GRIN2B: variants seen among roughly 807,000 people sequenced by gnomAD.
The protein encoded by GRIN2B is glutamate receptor ionotropic, NMDA 2B.
Under a neutral mutation model 114.5 loss-of-function variants are expected in GRIN2B, and 5 were observed. That is an observed-to-expected ratio of 0.04 (90% confidence interval 0.02 to 0.09). The LOEUF is 0.09. Ranked by LOEUF, GRIN2B falls within the 10% of genes least tolerant of loss-of-function variation. The probability of loss-of-function intolerance (pLI) is 1.00; values close to 1 mark genes in which losing one functional copy is unlikely to be tolerated. For missense variants in GRIN2B, 1,108 were observed against 1,943.5 expected, an observed-to-expected ratio of 0.57 and a Z score of 8.08; for synonymous variants, 787 against 745.1, an observed-to-expected ratio of 1.06 and a Z score of -0.92.
intron 10 of GRIN2B, among the ~76,000 whole-genome samples, chr12:13,576,118 T>G (rs1948772346): frequency 6.6e-6 from 1 of 152,222 alleles, no homozygotes; most frequent in Admixed American, 6.5e-5. Flanking sequence ...TGAAAATTCT[T>G]GTCCCAGCCT....
chr12:13,717,493 A>T (rs1950466572), intron 4 of GRIN2B, among the ~76,000 whole-genome samples: 1 of 151,954 alleles, frequency 6.6e-6, no homozygotes, highest in East Asian at 1.9e-4. Context: ...CAGCAGTATG[A>T]ACTAGATATG....
chr12:13,850,957 T>C (rs966979268), intron 3 of GRIN2B, among the ~76,000 whole-genome samples: 2 of 152,156 alleles, frequency 1.3e-5, no homozygotes, highest in Non-Finnish European at 2.9e-5. Flanking sequence ...CCTTTGAAGG[T>C]TAAATTGGCT....
At chr12:13,767,699 G>A (rs1196079027) in intron 3 of GRIN2B, among the ~76,000 whole-genome samples, 4 of 152,064 alleles carry the variant, frequency 2.6e-5, no homozygotes, top group African/African-American at 9.7e-5. Context: ...CCAGATCATG[G>A]GTTAAGTTTG....
intron 3 of GRIN2B, among the ~76,000 whole-genome samples, chr12:13,854,449 G>T (rs1865625146): frequency 6.6e-6 from 1 of 152,174 alleles, no homozygotes; most frequent in Non-Finnish European, 1.5e-5. Flanking sequence ...GGCAGAAGTT[G>T]CAGTGAGCCG....
chr12:13,917,114 A>T (rs2111511), intron 2 of GRIN2B, among the ~76,000 whole-genome samples: 38,116 of 151,804 alleles, frequency 0.25, 5,274 homozygotes, highest in East Asian at 0.44. Context: ...AGCCTGTCAG[A>T]CCTGCCAGTC....
At chr12:13,586,893 G>A (rs879885750) in intron 10 of GRIN2B, among the ~76,000 whole-genome samples, 1 of 152,066 alleles carries the variant, frequency 6.6e-6, no homozygotes, top group Admixed American at 6.5e-5. Context: ...GACACTATAT[G>A]AATTACATAA....
chr12:13,826,111 T>G (rs1280016565), intron 3 of GRIN2B, among the ~76,000 whole-genome samples: 1 of 152,112 alleles, frequency 6.6e-6, no homozygotes. Context: ...CTCCTTGCCA[T>G]TGTTTTGATG....
intron 4 of GRIN2B, among the ~76,000 whole-genome samples, chr12:13,682,933 G>C (rs747584588): frequency 1.3e-5 from 2 of 152,150 alleles, no homozygotes; most frequent in African/African-American, 4.8e-5. Flanking sequence ...AAAGAAAACA[G>C]AGGAGGACTG....
At position 13,542,347 on chromosome 12, in the gene GRIN2B, A is replaced by C. The variant is rs1281621388; in HGVS notation, c.*20436T>G. On this transcript the variant is annotated 3_prime_UTR_variant, in exon 14 of 14. Coordinates refer to ENST00000609686, the MANE Select transcript of GRIN2B (RefSeq NM_000834.5). ...CTTAGTTGGGAACCTTAGAAAGGAC[A>C]AGATTTCCTGTGAAAATGTGTACTT... The C allele has an allele frequency of 6.6e-6, 1 of 152,216 alleles. No homozygotes were observed. The highest frequency in any genetic ancestry group is 2.4e-5 in the African/African-American group (1 of 41,450). The allele number at this position is 152,216 out of a possible 1,614,324, so 9.4% of individuals were successfully genotyped here. A position where few individuals can be genotyped will look rare whatever the true frequency, so the allele number is the denominator to read the frequency against.
At chr12:13,964,171 T>C (rs1033798846) in intron 2 of GRIN2B, among the ~76,000 whole-genome samples, 3 of 152,210 alleles carry the variant, frequency 2.0e-5, no homozygotes, top group African/African-American at 7.2e-5. Flanking sequence ...CATTCATCCC[T>C]TCCTAAGTAC....
intron 3 of GRIN2B, among the ~76,000 whole-genome samples, chr12:13,819,797 C>T (rs2136692086): frequency 6.6e-6 from 1 of 152,278 alleles, no homozygotes; most frequent in South Asian, 2.1e-4. Flanking sequence ...ATATCTGAAC[C>T]TGTTGGATTT....
At chr12:13,919,105 G>T (rs1167032136) in intron 2 of GRIN2B, among the ~76,000 whole-genome samples, 1 of 152,160 alleles carries the variant, frequency 6.6e-6, no homozygotes, top group Non-Finnish European at 1.5e-5. Flanking sequence ...AATTCCAAAA[G>T]CTCTACATTT....
chr12:13,731,049 G>C (rs1212161308), intron 4 of GRIN2B, among the ~76,000 whole-genome samples: 1 of 152,094 alleles, frequency 6.6e-6, no homozygotes, highest in East Asian at 1.9e-4. Flanking sequence ...GATGTTCAAG[G>C]CTCAGTCCAT....
At chr12:13,665,099 G>C (rs952123765) in intron 5 of GRIN2B, among the ~76,000 whole-genome samples, 1 of 152,054 alleles carries the variant, frequency 6.6e-6, no homozygotes, top group African/African-American at 2.4e-5. Context: ...CACAGTTTGA[G>C]GAGATAGGTT....
Position 13,611,745 on chromosome 12 carries a change from C to A in GRIN2B, c.1760G>T (p.Arg587Met). The A allele has an allele frequency of 6.2e-7, 1 of 1,613,890 alleles. No individual in the cohort carries two copies. Among genetic ancestry groups the A allele is most frequent in the Non-Finnish European group, 8.5e-7 (1 of 1,179,768 alleles). The change falls in exon 9 of 14, where the codon AGG becomes ATG. Residue 587 changes from arginine (R) to methionine (M), a missense_variant. By Grantham distance (91) the Arg-to-Met change is moderately conservative. Around this residue, in one of 19 missense-constraint regions of GRIN2B, gnomAD observed 24 missense variants for 38.1 expected, o/e 0.63. Coordinates refer to ENST00000609686, the MANE Select transcript of GRIN2B (RefSeq NM_000834.5). ...FEYFSPVGYN[R>M]CLADGREPGG... ...CTTACCTCTGCCATCAGCGAGGCAC[C>A]TGTTATAACCCACAGGGCTGAAGTA...
intron 2 of GRIN2B, among the ~76,000 whole-genome samples, chr12:13,946,289 A>G (rs1269526313): frequency 2.0e-5 from 3 of 152,196 alleles, no homozygotes; most frequent in Non-Finnish European, 4.4e-5. Context: ...ATTTTAAAAT[A>G]AAATTACTTC....
chr12:13,892,200 A>G (rs1463730658), intron 2 of GRIN2B, among the ~76,000 whole-genome samples: 1 of 152,164 alleles, frequency 6.6e-6, no homozygotes, highest in Non-Finnish European at 1.5e-5. Context: ...GTCCCAAAGA[A>G]CCAAGGTGAG....
chr12:13,849,670 CA>C lies in GRIN2B; in HGVS notation c.411+16127del, dbSNP rs1178370790. 3.3e-5 allele frequency among the ~76,000 whole-genome samples: 5 copies of C among 152,078 alleles called. No individual in the cohort carries two copies. The East Asian group carries it at 9.7e-4, about 29-fold the overall frequency. ...AGATGTTAGAGATGAAAAGAACTTGCAAAAACACATCTCACTCATCCATCCC... is the reference window on the plus strand; with the variant it reads ...AGATGTTAGAGATGAAAAGAACTTGCAAAACACATCTCACTCATCCATCCC... On this transcript the variant is annotated intron_variant, in intron 3 of 13. Transcript: ENST00000609686.
chr12:13,897,154 C>G (rs113261819), intron 2 of GRIN2B, among the ~76,000 whole-genome samples: 4 of 152,260 alleles, frequency 2.6e-5, no homozygotes, highest in African/African-American at 9.6e-5. Flanking sequence ...TGGACAAGAA[C>G]TAGGAAAAGC....
Sources: allele counts gnomAD v4.1 joint callset (sites outside exome capture counted in the v4.1 genomes callset), GRCh38; gene constraint gnomAD v4.1.1; regional missense constraint gnomAD v4.1.1; transcripts MANE v1.5; gene names NCBI Gene and HGNC (gene_info 2026-07-23, HGNC 2026-07-21).